POC1B: variants seen among roughly 807,000 people sequenced by gnomAD.
The protein encoded by POC1B is POC1 centriolar protein homolog B.
In POC1B, 44 loss-of-function variants were observed where a neutral mutation model predicts 60.6. That is an observed-to-expected ratio of 0.73 (90% CI 0.57 to 0.93). POC1B has a LOEUF of 0.93. POC1B is among the 40% of genes least tolerant of loss of function. POC1B has a pLI of 0.00. For missense variants in POC1B, 555 were observed against 572.3 expected (o/e 0.97, Z 0.31); for synonymous variants, 180 against 198.9 (o/e 0.90, Z 0.80).
chr12:89,471,129 T>C (rs1270450480), intron 6 of POC1B, among the ~76,000 whole-genome samples: 1 of 152,236 alleles, frequency 6.6e-6, no homozygotes, highest in South Asian at 2.1e-4. Context: ...CAGTGTCTGC[T>C]ACATAGTAAA....
intron 3 of POC1B, among the ~76,000 whole-genome samples, chr12:89,495,476 G>GA (rs1233920606): frequency 1.3e-5 from 2 of 152,064 alleles, no homozygotes; most frequent in Non-Finnish European, 2.9e-5. Flanking sequence ...GGTGGTGGCA[G>GA]AAAAAAAGCA....
At chr12:89,431,337 G>T (rs77255167) in intron 10 of POC1B, among the ~76,000 whole-genome samples, 2,206 of 152,266 alleles carry the variant, frequency 0.014, 92 homozygotes, top group East Asian at 0.13. Context: ...ATTTGTCAGA[G>T]ATATTGTGAA....
chr12:89,412,287 T>G, the POC1B span, among the ~76,000 whole-genome samples: 1 of 152,214 alleles, frequency 6.6e-6, no homozygotes, highest in Non-Finnish European at 1.5e-5. Flanking sequence ...AGTCGTTTCT[T>G]AAGTAAGGGT....
the POC1B span, among the ~76,000 whole-genome samples, chr12:89,414,235 T>G: frequency 6.6e-6 from 1 of 152,216 alleles, no homozygotes; most frequent in Non-Finnish European, 1.5e-5. Flanking sequence ...AAGTTTAGAA[T>G]TTTTAGGTGA....
chr12:89,462,341 G>A (rs1882512775), intron 9 of POC1B, among the ~76,000 whole-genome samples: 1 of 152,110 alleles, frequency 6.6e-6, no homozygotes, highest in Admixed American at 6.5e-5. Context: ...TTGAAATGAA[G>A]TGGGCTGCCT....
At chr12:89,500,318 A>G in intron 2 of POC1B, 1 of 1,524,500 alleles carries the variant, frequency 6.6e-7, no homozygotes, top group Non-Finnish European at 9.1e-7. Flanking sequence ...GTCACCAAGC[A>G]AAGAGTGCCA....
At chr12:89,416,788 AT>A (rs911066664), downstream of POC1B, among the ~76,000 whole-genome samples, 3 of 152,210 alleles carry the variant, frequency 2.0e-5, no homozygotes, top group Admixed American at 6.5e-5. Context: ...AATAAAAATT[AT>A]TTTTTAAAAA....
chr12:89,404,340 T>G, the POC1B span, among the ~76,000 whole-genome samples: 1 of 152,174 alleles, frequency 6.6e-6, no homozygotes, highest in Non-Finnish European at 1.5e-5. Context: ...TGGGCTCATG[T>G]GTGACCTATG....
In POC1B at chr12:89,474,870, C is replaced by G. The variant is rs59544906; in HGVS notation, c.453-2595G>C. Among the ~76,000 whole-genome samples the G allele has an allele frequency of 3.0e-3, 452 of 152,322 alleles. 3 individuals are homozygous for G. The highest frequency in any genetic ancestry group is 9.8e-3 in the African/African-American group (406 of 41,572). ...CTATACACCATCCTTGAATAAACAT[C>G]TGTGTGTGTTGCCATAAGCTGTAGG... is the stretch of plus-strand genomic sequence containing the variant. On this transcript the variant is annotated intron_variant, in intron 4 of 11. Coordinates refer to ENST00000313546, the MANE Select transcript of POC1B (RefSeq NM_172240.3).
chr12:89,502,046 C>A, intron 2 of POC1B: 1 of 984,546 alleles, frequency 1.0e-6, no homozygotes, highest in Non-Finnish European at 1.7e-6. Context: ...AATATTATGA[C>A]TGCACAGAAT....
chr12:89,492,181 TAC>T, intron 3 of POC1B, 66 bp from the exon 4 acceptor site: 1 of 1,242,012 alleles, frequency 8.1e-7, no homozygotes, highest in Non-Finnish European at 1.1e-6. Flanking sequence ...TTAATCACAA[TAC>T]AGACTTTGAA....
intron 2 of POC1B, among the ~76,000 whole-genome samples, chr12:89,515,654 C>T (rs1212110764): frequency 6.6e-6 from 1 of 152,152 alleles, no homozygotes. Flanking sequence ...CCTGCCTCCT[C>T]AGCAACCCAT....
intron 10 of POC1B, chr12:89,428,966 G>A (rs889022794): frequency 6.6e-6 from 1 of 152,062 alleles, no homozygotes; most frequent in African/African-American, 2.4e-5. Context: ...TACATACATG[G>A]CCACAAATAT....
chr12:89,479,100 TC>T, intron 4 of POC1B, among the ~76,000 whole-genome samples: 1 of 152,310 alleles, frequency 6.6e-6, no homozygotes, highest in African/African-American at 2.4e-5. Flanking sequence ...ATTTTAAAAG[TC>T]CAGATCTTGT....
intron 2 of POC1B, chr12:89,524,376 ATCC>A (rs781689208): frequency 6.2e-7 from 1 of 1,613,954 alleles, no homozygotes; most frequent in East Asian, 2.2e-5. Context: ...GTCGAGACAA[ATCC>A]TCCGTATTTT....
chr12:89,432,500 T>G (rs1010262873), intron 10 of POC1B, among the ~76,000 whole-genome samples: 2 of 151,720 alleles, frequency 1.3e-5, no homozygotes, highest in African/African-American at 4.8e-5. Context: ...ATAAATATTT[T>G]TGAGAGGAAT....
At chr12:89,507,761 T>C (rs551934588) in intron 2 of POC1B, among the ~76,000 whole-genome samples, 1 of 152,350 alleles carries the variant, frequency 6.6e-6, no homozygotes, top group South Asian at 2.1e-4. Context: ...TGTCACACAA[T>C]GTCCAAATGG....
At chr12:89,491,451 C>T (rs1015829076) in intron 4 of POC1B, among the ~76,000 whole-genome samples, 1 of 151,834 alleles carries the variant, frequency 6.6e-6, no homozygotes, top group African/African-American at 2.4e-5. Context: ...TGGTGAAACC[C>T]TGTCTCTACT....
At position 89,421,120 on chromosome 12, in the gene POC1B, C is replaced by A; in HGVS notation, c.*33G>T. The A allele has an allele frequency of 6.6e-7, 1 of 1,508,592 alleles. No individual in the cohort carries two copies. Among genetic ancestry groups the A allele is most frequent in the Non-Finnish European group, 9.1e-7 (1 of 1,101,698 alleles). The allele number at this position is 1,508,592 out of a possible 1,614,324, so 93.5% of individuals were successfully genotyped here. ...TATGTACATTTGTTCATTTATTGGGCCTCTGCCCAACAAATGAAAATGAAT... is the reference window on the plus strand; with the variant it reads ...TATGTACATTTGTTCATTTATTGGGACTCTGCCCAACAAATGAAAATGAAT... On this transcript the variant is annotated 3_prime_UTR_variant, in exon 12 of 12. Coordinates refer to ENST00000313546, the MANE Select transcript of POC1B (RefSeq NM_172240.3).
Sources: gnomAD v4.1 joint callset for allele counts (sites outside exome capture counted in the v4.1 genomes callset) on GRCh38, gnomAD v4.1.1 for gene constraint, MANE v1.5 for transcripts, NCBI Gene and HGNC (gene_info 2026-07-23, HGNC 2026-07-21) for gene names.